The following PFKFB3 variants were observed in gnomAD, a reference collection of about 807,000 sequenced individuals.
PFKFB3 encodes the protein 6-phosphofructo-2-kinase/fructose-2,6-biphosphatase 3, also known as 6-phosphofructo-2-kinase/fructose-2,6-bisphosphatase 3.
In PFKFB3, 33 loss-of-function variants were observed where a neutral mutation model predicts 68.0. The ratio of observed to expected loss-of-function variants is 0.49; its 90% CI spans 0.37 to 0.65. The LOEUF is 0.65. Among genes scored for constraint, PFKFB3 ranks in the 30% least tolerant of loss-of-function variants. The pLI, the probability that PFKFB3 is intolerant of heterozygous loss-of-function variation, is 0.00. For synonymous variants in PFKFB3, 315 were observed against 288.2 expected, an observed-to-expected ratio of 1.09 and a Z score of -0.94; for missense variants, 586 against 712.2, an observed-to-expected ratio of 0.82 and a Z score of 2.02.
intron 14 of PFKFB3, among the ~76,000 whole-genome samples, chr10:6,241,269 G>A (rs1846135398): frequency 6.6e-6 from 1 of 152,166 alleles, no homozygotes; most frequent in Non-Finnish European, 1.5e-5. Context: ...TCTGGTTAGG[G>A]ATTTTGGGAA....
the PFKFB3 span, among the ~76,000 whole-genome samples, chr10:6,284,852 T>A: frequency 6.6e-6 from 1 of 152,268 alleles, no homozygotes; most frequent in Non-Finnish European, 1.5e-5. Flanking sequence ...TCCTTTTGTC[T>A]TTGGCTTATT....
intron 1 of PFKFB3, among the ~76,000 whole-genome samples, chr10:6,165,125 C>A (rs1644573830): frequency 6.6e-6 from 1 of 152,158 alleles, no homozygotes; most frequent in East Asian, 1.9e-4. Flanking sequence ...AAACCTTGGA[C>A]AATACCCAGG....
At chr10:6,161,468 T>A (rs1841967559) in intron 1 of PFKFB3, among the ~76,000 whole-genome samples, 1 of 152,158 alleles carries the variant, frequency 6.6e-6, no homozygotes, top group Non-Finnish European at 1.5e-5. Context: ...CTGTTCCCAA[T>A]AATCTTTATA....
downstream of PFKFB3, among the ~76,000 whole-genome samples, chr10:6,238,477 CAAAAAAAAA>C (rs71390201): frequency 7.8e-5 from 7 of 89,562 alleles, no homozygotes; most frequent in East Asian, 3.1e-4. Flanking sequence ...GGTGCCATCT[CAAAAAAAAA>C]AAAAAAAAAA....
At chr10:6,207,712 G>A (rs1447627422) in intron 1 of PFKFB3, among the ~76,000 whole-genome samples, 1 of 152,220 alleles carries the variant, frequency 6.6e-6, no homozygotes, top group East Asian at 1.9e-4. Flanking sequence ...TGCCTTGGAG[G>A]CACCTTAACG....
downstream of PFKFB3, among the ~76,000 whole-genome samples, chr10:6,236,329 G>A (rs1430337525): frequency 1.3e-5 from 2 of 152,226 alleles, no homozygotes; most frequent in African/African-American, 4.8e-5. Flanking sequence ...GATGGGGCAG[G>A]GTTCAGGGTG....
Position 6,233,148 on chromosome 10 carries a change from G to T in PFKFB3, c.*206G>T, listed in dbSNP as rs111841872. 39 of 557,586 alleles carry T rather than the reference G, an allele frequency of 7.0e-5. No individual in the cohort carries two copies. The highest frequency in any genetic ancestry group is 6.8e-4 in the African/African-American group (36 of 52,874). 34.5% of individuals were successfully genotyped at this position (557,586 alleles called of 1,614,324 possible). ...CCAGAAAGCCACGTGGGTCCCTGGCGCCCTGCCTTTAGCCGTGGGGCCCCC... is the reference window on the plus strand; with the variant it reads ...CCAGAAAGCCACGTGGGTCCCTGGCTCCCTGCCTTTAGCCGTGGGGCCCCC... On this transcript the variant is annotated 3_prime_UTR_variant, in exon 15 of 15. Transcript: ENST00000379775.
chr10:6,232,731 C>G (rs910767650), intron 14 of PFKFB3, among the ~76,000 whole-genome samples, 164 bp from the exon 15 acceptor site: 2 of 152,176 alleles, frequency 1.3e-5, no homozygotes, highest in Admixed American at 1.3e-4. Flanking sequence ...CACCTGGGCT[C>G]TCTCCCGCCT....
At chr10:6,219,389 T>C (rs1454369822) in intron 6 of PFKFB3, 180 bp from the exon 7 acceptor site, 6 of 604,262 alleles carry the variant, frequency 9.9e-6, no homozygotes, top group African/African-American at 1.9e-5. Flanking sequence ...ATCCTCCCCA[T>C]GTAACATCAG....
chr10:6,244,678 C>T (rs1395260525), intron 14 of PFKFB3, among the ~76,000 whole-genome samples: 1 of 151,952 alleles, frequency 6.6e-6, no homozygotes, highest in Non-Finnish European at 1.5e-5. Context: ...ATCCACAGCT[C>T]ACAAAGGATT....
the PFKFB3 span, among the ~76,000 whole-genome samples, chr10:6,269,211 C>A: frequency 6.7e-6 from 1 of 149,102 alleles, no homozygotes; most frequent in African/African-American, 2.5e-5. Flanking sequence ...TATGCCCAAG[C>A]AGATTATTTT....
Position 6,189,090 on chromosome 10 carries a change from T to C in PFKFB3, c.17-24533T>C, listed in dbSNP as rs576782453. ...TCCTGACCTCGTGATCCGCCCGCCT[T>C]GGCCTCCCAAAGTGCTGGGATTACA... On this transcript the variant is annotated intron_variant, in intron 1 of 14. Coordinates refer to the PFKFB3 transcript ENST00000379789. 9.7e-4 allele frequency among the ~76,000 whole-genome samples: 148 copies of C among 152,182 alleles called. 3 individuals are homozygous for C. Among genetic ancestry groups the C allele is most frequent in the South Asian group, 4.8e-3 (23 of 4,814 alleles).
chr10:6,238,477 C>CAAAA (rs71390201), downstream of PFKFB3, among the ~76,000 whole-genome samples: 196 of 89,494 alleles, frequency 2.2e-3, 3 homozygotes, highest in Middle Eastern at 0.012. Flanking sequence ...GGTGCCATCT[C>CAAAA]AAAAAAAAAA....
intron 14 of PFKFB3, among the ~76,000 whole-genome samples, chr10:6,241,695 A>T (rs56046905): frequency 8.5e-5 from 13 of 152,156 alleles, no homozygotes; most frequent in Non-Finnish European, 1.6e-4. Flanking sequence ...TGAAGGAGAT[A>T]CTTTGAGGGT....
intron 8 of PFKFB3, 76 bp from the exon 9 acceptor site, chr10:6,221,305 G>T (rs1844941239): frequency 3.2e-6 from 5 of 1,567,966 alleles, no homozygotes; most frequent in Middle Eastern, 1.7e-4. Flanking sequence ...CCCTACGTGG[G>T]CTGCCTGCTC....
chr10:6,276,652 AT>A, the PFKFB3 span, among the ~76,000 whole-genome samples: 3 of 16,568 alleles, frequency 1.8e-4, no homozygotes, highest in African/African-American at 2.0e-4. Flanking sequence ...GAGTAATTCA[AT>A]TAAAAAAAAA....
At position 6,232,916 on chromosome 10, in the gene PFKFB3, A is replaced by T; in HGVS notation, c.1537A>T (p.Ser513Cys). ...ACAGAACATGAAAGGCTCCCGGAGC[A>T]GCGCTGACTCCTCCAGGAAACACTG... The part of the protein sequence containing the change: ...PGQNMKGSRS[S>C]ADSSRKH The change falls in exon 15 of 15, where the codon AGC (serine) becomes TGC (cysteine). Residue 513 changes from serine to cysteine, a missense_variant. Physicochemically the swap from Ser to Cys is moderately radical, Grantham distance 112. Coordinates refer to ENST00000379775, the MANE Select transcript of PFKFB3 (RefSeq NM_004566.4). 1.2e-6 allele frequency: 2 copies of T among 1,613,470 alleles called. No homozygotes were observed. The highest frequency in any genetic ancestry group is 1.7e-6 in the Non-Finnish European group (2 of 1,179,606).
intron 1 of PFKFB3, 138 bp from the exon 2 acceptor site, chr10:6,213,485 C>A: frequency 1.0e-6 from 1 of 976,764 alleles, no homozygotes; most frequent in Non-Finnish European, 1.5e-6. Context: ...CCACCGTGCT[C>A]CCGCCTGGGC....
chr10:6,279,280 C>A, the PFKFB3 span, among the ~76,000 whole-genome samples: 4 of 152,044 alleles, frequency 2.6e-5, no homozygotes, highest in Admixed American at 2.6e-4. Context: ...AATAACAAGT[C>A]TTTCTTAGTG....
Sources: gnomAD v4.1 joint callset for allele counts (sites outside exome capture counted in the v4.1 genomes callset) on GRCh38, gnomAD v4.1.1 for gene constraint, MANE v1.5 for transcripts, NCBI Gene and HGNC (gene_info 2026-07-23, HGNC 2026-07-21) for gene names.